The following NAV2 variants were observed in gnomAD, a reference collection of about 807,000 sequenced individuals.
NAV2 encodes neuron navigator 2.
In NAV2, 54 loss-of-function variants were observed where a neutral mutation model predicts 223.2. That is an observed-to-expected ratio of 0.24 (90% CI 0.19 to 0.30). The LOEUF (loss-of-function observed/expected upper bound fraction) is 0.30, where lower values mean the gene tolerates loss of function less well. Ranked by LOEUF, NAV2 falls within the 10% of genes least tolerant of loss-of-function variation. The pLI is 1.00. For missense variants in NAV2, 2,806 were observed against 3,147.5 expected, an observed-to-expected ratio of 0.89 and a Z score of 2.60; for synonymous variants, 1,279 against 1,239.3, an observed-to-expected ratio of 1.03 and a Z score of -0.67.
chr11:20,032,530 A>G (rs2055883279), intron 11 of NAV2, among the ~76,000 whole-genome samples: 1 of 152,202 alleles, frequency 6.6e-6, no homozygotes, highest in African/African-American at 2.4e-5. Context: ...GTCCTCTCCC[A>G]CCATTCCCCT....
chr11:19,398,132 G>A (rs1342014222), intron 1 of NAV2, among the ~76,000 whole-genome samples: 1 of 152,152 alleles, frequency 6.6e-6, no homozygotes, highest in Admixed American at 6.6e-5. Flanking sequence ...AATACTGCAG[G>A]CTGTGTAGAA....
chr11:19,478,261 T>C (rs2042177249), intron 1 of NAV2, among the ~76,000 whole-genome samples: 1 of 151,936 alleles, frequency 6.6e-6, no homozygotes, highest in South Asian at 2.1e-4. Flanking sequence ...CGGAGAAAAT[T>C]GCACAAGCAA....
At chr11:19,450,664 C>G (rs1423230843) in intron 1 of NAV2, among the ~76,000 whole-genome samples, 1 of 152,168 alleles carries the variant, frequency 6.6e-6, no homozygotes, top group Non-Finnish European at 1.5e-5. Flanking sequence ...GTCTGATCTC[C>G]TGAGTTTTAA....
At chr11:19,374,856 T>C (rs1848590720) in intron 1 of NAV2, among the ~76,000 whole-genome samples, 1 of 152,186 alleles carries the variant, frequency 6.6e-6, no homozygotes, top group Non-Finnish European at 1.5e-5. Flanking sequence ...TTCTTCTCTT[T>C]GGATTGGAGC....
At chr11:19,934,606 T>G (rs545847588) in intron 7 of NAV2, among the ~76,000 whole-genome samples, 4 of 151,900 alleles carry the variant, frequency 2.6e-5, no homozygotes, top group Admixed American at 2.0e-4. Context: ...AATATGAGGG[T>G]GGGGGCGGTT....
intron 1 of NAV2, among the ~76,000 whole-genome samples, chr11:19,720,541 A>G (rs540535967): frequency 6.6e-6 from 1 of 152,288 alleles, no homozygotes; most frequent in East Asian, 1.9e-4. Flanking sequence ...TCTTGGTGGG[A>G]CAGAGGATAG....
intron 1 of NAV2, among the ~76,000 whole-genome samples, chr11:19,674,523 C>A (rs190320666): frequency 2.6e-5 from 4 of 152,290 alleles, no homozygotes; most frequent in Admixed American, 2.6e-4. Flanking sequence ...TTGCAGTGAG[C>A]AGTTTGTTCT....
intron 1 of NAV2, among the ~76,000 whole-genome samples, chr11:19,613,701 G>A (rs183453581): frequency 6.6e-6 from 1 of 152,316 alleles, no homozygotes; most frequent in African/African-American, 2.4e-5. Flanking sequence ...CAAGAACCAA[G>A]CGGCCAGAGT....
At chr11:19,410,529 T>G (rs1358954094) in intron 1 of NAV2, among the ~76,000 whole-genome samples, 1 of 152,220 alleles carries the variant, frequency 6.6e-6, no homozygotes, top group Non-Finnish European at 1.5e-5. Flanking sequence ...AGCTGGGATT[T>G]GAACCCAGGG....
intron 1 of NAV2, among the ~76,000 whole-genome samples, chr11:19,668,265 T>G (rs1240821309): frequency 6.6e-6 from 1 of 152,208 alleles, no homozygotes; most frequent in Non-Finnish European, 1.5e-5. Context: ...AGGCTGGGCA[T>G]GGTGGCTTAC....
chr11:19,623,558 C>T (rs537522117), intron 1 of NAV2, among the ~76,000 whole-genome samples: 65 of 152,234 alleles, frequency 4.3e-4, no homozygotes, highest in Middle Eastern at 3.4e-3. Context: ...TGATCGAATC[C>T]GCTACTGAAG....
chr11:19,553,337 T>C (rs2044750786), intron 1 of NAV2, among the ~76,000 whole-genome samples: 1 of 152,238 alleles, frequency 6.6e-6, no homozygotes, highest in Admixed American at 6.5e-5. Context: ...AGCAGGGCTC[T>C]CTGAAGTCAG....
At chr11:19,567,281 TG>T (rs1013620867) in intron 1 of NAV2, among the ~76,000 whole-genome samples, 13 of 152,240 alleles carry the variant, frequency 8.5e-5, no homozygotes, top group African/African-American at 3.1e-4. Context: ...GGGTGAGGAT[TG>T]GAGGCCAGGG....
At chr11:19,535,449 G>A (rs1590439241) in intron 1 of NAV2, among the ~76,000 whole-genome samples, 3 of 152,330 alleles carry the variant, frequency 2.0e-5, no homozygotes, top group African/African-American at 7.2e-5. Flanking sequence ...CACCTGGGAA[G>A]ATGCAGCCAG....
At chr11:20,056,265 A>C (rs2058357584) in intron 19 of NAV2, among the ~76,000 whole-genome samples, 1 of 152,208 alleles carries the variant, frequency 6.6e-6, no homozygotes, top group African/African-American at 2.4e-5. Flanking sequence ...GCTTCTTGGC[A>C]TGCGCCTCCA....
upstream of NAV2, among the ~76,000 whole-genome samples, chr11:19,709,521 T>C (rs1268270590): frequency 8.4e-6 from 1 of 119,438 alleles, no homozygotes; most frequent in African/African-American, 3.3e-5. Context: ...CACTCCAGCC[T>C]GGGCAGCAGA....
At chr11:19,616,503 C>T (rs112669947) in intron 1 of NAV2, among the ~76,000 whole-genome samples, 477 of 152,184 alleles carry the variant, frequency 3.1e-3, no homozygotes, top group African/African-American at 0.011. Context: ...ACTTTGCTCC[C>T]GCGGAGCAGG....
At chr11:19,655,352 T>G (rs1001754577) in intron 1 of NAV2, among the ~76,000 whole-genome samples, 14 of 152,122 alleles carry the variant, frequency 9.2e-5, no homozygotes, top group East Asian at 1.9e-4. Context: ...CAAGGATCTA[T>G]AACTAGAAAT....
intron 1 of NAV2, among the ~76,000 whole-genome samples, chr11:19,600,837 C>G (rs2046332333): frequency 1.3e-5 from 2 of 152,186 alleles, no homozygotes; most frequent in Admixed American, 6.5e-5. Flanking sequence ...CAAGGAGGTT[C>G]TTAGCTGAAG....
Sources: gnomAD v4.1 joint callset for allele counts (sites outside exome capture counted in the v4.1 genomes callset) on GRCh38, gnomAD v4.1.1 for gene constraint, MANE v1.5 for transcripts, NCBI Gene and HGNC (gene_info 2026-07-23, HGNC 2026-07-21) for gene names.